The following RERE variants were observed in gnomAD, a reference collection of about 807,000 sequenced individuals.
RERE encodes the protein arginine-glutamic acid dipeptide repeats protein.
In RERE, 40 loss-of-function variants were observed where a neutral mutation model predicts 146.1. That is an observed-to-expected ratio of 0.27 (90% CI 0.21 to 0.36). The LOEUF (loss-of-function observed/expected upper bound fraction) is 0.36. RERE is among the 10% of genes least tolerant of loss of function. RERE has a pLI of 1.00. For missense variants in RERE, 1,933 were observed against 2,138.7 expected (o/e 0.90, Z 1.90); for synonymous variants, 1,003 against 866.0 (o/e 1.16, Z -2.78).
intron 2 of RERE, among the ~76,000 whole-genome samples, chr1:8,636,669 G>A (rs993762077): frequency 3.3e-5 from 5 of 152,062 alleles, no homozygotes; most frequent in East Asian, 1.9e-4. Flanking sequence ...CAGCTAACTC[G>A]GTCATGCAAC....
At chr1:8,750,383 A>G in intron 1 of RERE, 1 of 673,648 alleles carries the variant, frequency 1.5e-6, no homozygotes, top group Admixed American at 2.3e-5. Flanking sequence ...AGTGTCACAA[A>G]CCCAGTAGTC....
intron 1 of RERE, among the ~76,000 whole-genome samples, chr1:8,727,124 G>C (rs1639985401): frequency 6.6e-6 from 1 of 151,068 alleles, no homozygotes; most frequent in African/African-American, 2.4e-5. Flanking sequence ...TTTTTCAGTG[G>C]ATTAGTAGTC....
At chr1:8,577,919 C>A (rs1158794027) in intron 4 of RERE, among the ~76,000 whole-genome samples, 1 of 152,060 alleles carries the variant, frequency 6.6e-6, no homozygotes, top group Non-Finnish European at 1.5e-5. Flanking sequence ...ATGGCAAAAC[C>A]CTGTCTCTAC....
At chr1:8,788,539 A>G (rs902527698) in intron 1 of RERE, among the ~76,000 whole-genome samples, 1 of 151,772 alleles carries the variant, frequency 6.6e-6, no homozygotes, top group African/African-American at 2.4e-5. Context: ...TAATTTCTGT[A>G]TTTTTAGTAG....
chr1:8,635,447 G>A (rs1036786096), intron 2 of RERE, among the ~76,000 whole-genome samples: 1 of 152,184 alleles, frequency 6.6e-6, no homozygotes, highest in Admixed American at 6.5e-5. Context: ...GAGAGCTTCT[G>A]TTTATTGTTC....
chr1:8,652,821 C>T (rs1032488259), intron 2 of RERE, among the ~76,000 whole-genome samples: 73 of 152,176 alleles, frequency 4.8e-4, no homozygotes, highest in African/African-American at 1.7e-3. Flanking sequence ...TGAGGACACA[C>T]AGCCAAATCA....
rs147853476 is a variant in RERE, at chr1:8,803,685, C to T, written c.-145+13475G>A. ...TAAATCAATTCTCCCCCCTCAGCAT[C>T]GCGAGTAGCTGAGACTACAGGTGCA... On this transcript the variant is annotated intron_variant, in intron 1 of 22. Transcript: ENST00000400908. 4.8e-3 allele frequency among the ~76,000 whole-genome samples: 722 copies of T among 151,698 alleles called. 3 individuals carry two copies. The highest frequency in any genetic ancestry group is 0.015 in the African/African-American group (639 of 41,392).
chr1:8,651,682 T>C (rs1306729940), intron 2 of RERE, among the ~76,000 whole-genome samples: 1 of 147,282 alleles, frequency 6.8e-6, no homozygotes, highest in Non-Finnish European at 1.5e-5. Context: ...GCTGTGATCA[T>C]ACCACTGACA....
chr1:8,640,266 C>T lies in RERE; in HGVS notation c.325+15707G>A, dbSNP rs116164465. Among the ~76,000 whole-genome samples, 629 of 152,190 alleles carry T rather than the reference C, an allele frequency of 4.1e-3. 5 individuals are homozygous for T. The highest frequency in any genetic ancestry group is 0.015 in the African/African-American group (603 of 41,540). ...GAGGTATAACTATAATCAAAGCTCC[C>T]CTCCCAACTTTTTTTTTTAAACTAT... On this transcript the variant is annotated intron_variant, in intron 2 of 22. Coordinates refer to ENST00000400908, the MANE Select transcript of RERE (RefSeq NM_001042681.2).
At chr1:8,655,895 G>A in intron 2 of RERE, 78 bp downstream of exon 2, 1 of 1,543,320 alleles carries the variant, frequency 6.5e-7, no homozygotes, top group East Asian at 2.2e-5. Context: ...AGTGTACAAA[G>A]CGTATTTATT....
At chr1:8,597,039 A>G (rs1646563100) in intron 4 of RERE, among the ~76,000 whole-genome samples, 1 of 152,042 alleles carries the variant, frequency 6.6e-6, no homozygotes, top group Non-Finnish European at 1.5e-5. Flanking sequence ...TATCTCTCTC[A>G]TATGTAGTTA....
intron 1 of RERE, among the ~76,000 whole-genome samples, chr1:8,744,285 T>C (rs1411624336): frequency 1.3e-5 from 2 of 152,178 alleles, no homozygotes; most frequent in Admixed American, 1.3e-4. Flanking sequence ...GCTAAAGCAA[T>C]GGAAAACCCT....
intron 2 of RERE, among the ~76,000 whole-genome samples, chr1:8,634,882 C>T (rs1471039039): frequency 6.6e-6 from 1 of 152,070 alleles, no homozygotes; most frequent in Non-Finnish European, 1.5e-5. Flanking sequence ...ACTACAGGTG[C>T]CCACCACCAC....
At chr1:8,599,083 G>A (rs1371270319) in intron 4 of RERE, among the ~76,000 whole-genome samples, 1 of 152,184 alleles carries the variant, frequency 6.6e-6, no homozygotes, top group African/African-American at 2.4e-5. Flanking sequence ...GGACAGCGGG[G>A]CAGGGGTCAC....
chr1:8,546,858 A>C (rs12085262), intron 6 of RERE, among the ~76,000 whole-genome samples: 2,093 of 150,732 alleles, frequency 0.014, 40 homozygotes, highest in African/African-American at 0.045. Flanking sequence ...CAAAACAAAA[A>C]AAAAAAACAA....
At chr1:8,619,139 TAG>T (rs1268154811) in intron 3 of RERE, among the ~76,000 whole-genome samples, 2 of 152,196 alleles carry the variant, frequency 1.3e-5, no homozygotes, top group Non-Finnish European at 2.9e-5. Flanking sequence ...AGGTAACTAG[TAG>T]TATGCATCCT....
In RERE at chr1:8,360,973, G is replaced by A; in HGVS notation, c.2534C>T (p.Pro845Leu). ...GCCGGGTGGGCCCTGACCGTGCAGT[G>A]GGGGCTGGGCATGAGAGGGTGCAGA... is the stretch of plus-strand genomic sequence containing the variant. Reference protein sequence around the residue: ...QPSAPSHAQPPLHGQGPPGPH... With the variant: ...QPSAPSHAQPLLHGQGPPGPH... The change falls in exon 18 of 23, where the codon CCA becomes CTA. Residue 845 changes from proline to leucine, a missense_variant. Around this residue, in one of 11 missense-constraint regions of RERE, gnomAD observed 1,255 missense variants for 1,153.8 expected, o/e 1.09. Transcript: ENST00000400908. 6.9e-7 allele frequency: 1 copy of A among 1,447,324 alleles called. No individual in the cohort carries two copies. Among genetic ancestry groups the A allele is most frequent in the Non-Finnish European group, 9.0e-7 (1 of 1,107,444 alleles). The allele number at this position is 1,447,324 out of a possible 1,614,324, so 89.7% of individuals were successfully genotyped here.
intron 12 of RERE, among the ~76,000 whole-genome samples, chr1:8,401,737 C>T (rs1052028758): frequency 6.6e-6 from 1 of 150,988 alleles, no homozygotes; most frequent in Admixed American, 6.6e-5. Flanking sequence ...CCAGCCTAAA[C>T]GACATCTAAA....
chr1:8,586,647 C>T (rs986611450), intron 4 of RERE, among the ~76,000 whole-genome samples: 1 of 152,172 alleles, frequency 6.6e-6, no homozygotes, highest in Non-Finnish European at 1.5e-5. Context: ...AGACAGACTT[C>T]AGCTGGAGAC....
Sources: allele counts gnomAD v4.1 joint callset (sites outside exome capture counted in the v4.1 genomes callset), GRCh38; gene constraint gnomAD v4.1.1; regional missense constraint gnomAD v4.1.1; transcripts MANE v1.5; gene names NCBI Gene and HGNC (gene_info 2026-07-23, HGNC 2026-07-21).